TM6SF1: variants seen among roughly 807,000 people sequenced by gnomAD.
TM6SF1 encodes the protein transmembrane 6 superfamily member 1.
Under a neutral mutation model 47.1 loss-of-function variants are expected in TM6SF1, and 43 were observed. The observed-to-expected ratio is 0.91, with a 90% CI of 0.72 to 1.18. The LOEUF (loss-of-function observed/expected upper bound fraction) is 1.18. Among genes scored for constraint, TM6SF1 ranks in the 50% most tolerant of loss-of-function variants. TM6SF1 has a pLI of 0.00. For synonymous variants in TM6SF1, 177 were observed against 166.3 expected, an observed-to-expected ratio of 1.06 and a Z score of -0.49; for missense variants, 390 against 449.0, an observed-to-expected ratio of 0.87 and a Z score of 1.19.
intron 9 of TM6SF1, chr15:83,130,926 A>G (rs1264022170): frequency 6.6e-6 from 1 of 152,058 alleles, no homozygotes; most frequent in African/African-American, 2.4e-5. Flanking sequence ...CCCCATCTCT[A>G]CAAAAAATAC....
At chr15:83,133,578 C>G (rs1049483440) in intron 9 of TM6SF1, 7 of 152,234 alleles carry the variant, frequency 4.6e-5, no homozygotes, top group African/African-American at 1.7e-4. Context: ...CCTCACATTG[C>G]TAAATTCTGG....
chr15:83,118,140 T>TC (rs2034855309), intron 3 of TM6SF1, among the ~76,000 whole-genome samples: 1 of 151,924 alleles, frequency 6.6e-6, no homozygotes, highest in African/African-American at 2.4e-5. Context: ...GGCGGGAGGA[T>TC]CGCTTGACGC....
In TM6SF1 at chr15:83,136,644, A is replaced by G. The variant is rs760764251; in HGVS notation, c.1085A>G (p.Lys362Arg). Reference sequence around the variant, plus strand: ...ATCTACAAACCAGAGTTCTTCATAAAAACAAAGGCAGAAGAAAAAGTGGAA... The same window carrying G: ...ATCTACAAACCAGAGTTCTTCATAAGAACAAAGGCAGAAGAAAAAGTGGAA... ...RCIYKPEFFI[K>R]TKAEEKVE Residue 362 changes from lysine (K) to arginine (R), a missense_variant, in exon 10 of 10, where the codon AAA becomes AGA. Lys to Arg is a conservative substitution (Grantham distance 26, BLOSUM62 2). Transcript: ENST00000322019. The G allele has an allele frequency of 1.9e-6, 3 of 1,595,284 alleles. No individual in the cohort carries two copies. In the East Asian group the frequency reaches 6.7e-5, roughly 36 times the overall value.
At chr15:83,109,663 G>T (rs2033967102) in intron 1 of TM6SF1, among the ~76,000 whole-genome samples, 2 of 152,112 alleles carry the variant, frequency 1.3e-5, no homozygotes, top group African/African-American at 4.8e-5. Flanking sequence ...TTTCTGACCT[G>T]GACTGTGGCA....
In TM6SF1 at chr15:83,126,819, A is replaced by C. The variant is rs781446978; in HGVS notation, c.773A>C (p.Lys258Thr). ...ACGCAATTTCAAGAGCCCTATCTAA[A>C]GGATCCTGCTGCTTATCCTAAAATT... ...LYTQFQEPYLKDPAAYPKIQM... is the reference protein window; with the variant it reads ...LYTQFQEPYLTDPAAYPKIQM... Residue 258 changes from lysine to threonine, a missense_variant, in exon 8 of 10, where the codon AAG becomes ACG. By Grantham distance (78) the Lys-to-Thr change is moderately conservative. Transcript: ENST00000322019. 1 of 1,613,800 alleles carries C rather than the reference A, an allele frequency of 6.2e-7. No individual in the cohort carries two copies.
chr15:83,124,964 A>T lies in TM6SF1; in HGVS notation c.708+188A>T, dbSNP rs192566225. Reference sequence around the variant, plus strand: ...CTCCCAACCCCAGCCTCCTGCTGTCACCTCCTCCTGTCCTTAGATCAAGCT... The same window carrying T: ...CTCCCAACCCCAGCCTCCTGCTGTCTCCTCCTCCTGTCCTTAGATCAAGCT... On this transcript the variant is annotated intron_variant, in intron 7 of 9. Transcript: ENST00000322019. Among the ~76,000 whole-genome samples the T allele has an allele frequency of 9.2e-4, 140 of 152,026 alleles. 1 individual carries two copies. The highest frequency in any genetic ancestry group is 3.1e-4 in the Non-Finnish European group (21 of 67,992).
At chr15:83,134,205 C>G (rs2036457405) in intron 9 of TM6SF1, 1 of 151,906 alleles carries the variant, frequency 6.6e-6, no homozygotes, top group African/African-American at 2.4e-5. Flanking sequence ...GGCTTACAAT[C>G]TAATCTAAGG....
intron 4 of TM6SF1, chr15:83,120,089 G>A (rs2035075604): frequency 5.4e-6 from 1 of 185,090 alleles, no homozygotes; most frequent in African/African-American, 2.3e-5. Context: ...CTAAGGCTTG[G>A]CTACATGGCT....
chr15:83,135,689 GTATA>G (rs2036559783), intron 9 of TM6SF1: 1 of 152,184 alleles, frequency 6.6e-6, no homozygotes, highest in Admixed American at 6.5e-5. Context: ...TTCTGAATAA[GTATA>G]TAAGTAGAGA....
rs529815372 is a variant in TM6SF1, at chr15:83,115,745, G to A, written c.197-100G>A. 6.6e-5 allele frequency: 55 copies of A among 836,654 alleles called. No homozygotes were observed. The South Asian group carries it at 7.4e-4, about 11-fold the overall frequency. The allele number at this position is 836,654 out of a possible 1,614,324, so 51.8% of individuals were successfully genotyped here. ...CGATAATTGTCCACAGCATCTTCTG[G>A]AAAACATGAAAAACATTCCATTATT... On this transcript the variant is annotated intron_variant, in intron 2 of 9. Transcript: ENST00000322019.
chr15:83,119,633 C>G lies in TM6SF1; in HGVS notation c.350C>G (p.Ser117Cys), dbSNP rs201945324. ...YGHMICYWDG[S>C]AHYLMYLVMV... ...CACATGATCTGCTACTGGGATGGCT[C>G]TGCTCATTATCTGATGTACCTGGTG... The change falls in exon 4 of 10, where the codon TCT becomes TGT. Residue 117 changes from serine (S) to cysteine (C), a missense_variant. Coordinates refer to ENST00000322019, the MANE Select transcript of TM6SF1 (RefSeq NM_023003.5). 14 of 1,614,196 alleles carry G rather than the reference C, an allele frequency of 8.7e-6. No homozygotes were observed. The highest frequency in any genetic ancestry group is 2.2e-5 in the East Asian group (1 of 44,888).
At chr15:83,121,718 C>T (rs931990202) in intron 4 of TM6SF1, among the ~76,000 whole-genome samples, 3 of 152,058 alleles carry the variant, frequency 2.0e-5, no homozygotes, top group Non-Finnish European at 2.9e-5. Context: ...TAAAAGGACA[C>T]GAAGAAGGTT....
chr15:83,134,471 C>CCAAG (rs1375319503), intron 9 of TM6SF1: 1 of 152,282 alleles, frequency 6.6e-6, no homozygotes, highest in Non-Finnish European at 1.5e-5. Context: ...GATCCACCCG[C>CCAAG]CTTGGCCTCC....
intron 2 of TM6SF1, chr15:83,113,111 G>A (rs2034343744): frequency 3.4e-6 from 2 of 582,636 alleles, no homozygotes; most frequent in Non-Finnish European, 6.1e-6. Flanking sequence ...GCATCCCGGT[G>A]GAGAGTTACT....
At chr15:83,110,050 C>T (rs1395583739) in intron 1 of TM6SF1, among the ~76,000 whole-genome samples, 1 of 152,202 alleles carries the variant, frequency 6.6e-6, no homozygotes, top group African/African-American at 2.4e-5. Context: ...CAGGCCAGCG[C>T]CGTGTGCATC....
At chr15:83,113,138 C>T in intron 2 of TM6SF1, 1 of 562,348 alleles carries the variant, frequency 1.8e-6, no homozygotes, top group South Asian at 2.0e-5. Flanking sequence ...CCAGGCAGGG[C>T]ACCCTGCCAA....
intron 9 of TM6SF1, chr15:83,128,294 T>C (rs1028564707): frequency 2.0e-5 from 3 of 152,324 alleles, no homozygotes; most frequent in African/African-American, 4.8e-5. Context: ...TTGAAAAATA[T>C]AGTATTTAAG....
Position 83,121,946 on chromosome 15 carries a change from T to C in TM6SF1, c.424T>C (p.Tyr142His), listed in dbSNP as rs1168673165. Reference protein sequence around the residue: ...WEETYRTIGLYWVGSIIMSVV... With the variant: ...WEETYRTIGLHWVGSIIMSVV... The stretch of plus-strand genomic sequence containing the variant: ...GGAAACTTATAGAACCATTGGCCTA[T>C]ATTGGGTTGGATCTATTATTATGAG... Residue 142 changes from tyrosine (Y) to histidine (H), a missense_variant, in exon 5 of 10, where the codon TAT becomes CAT. By Grantham distance (83) the Tyr-to-His change is moderately conservative (BLOSUM62 2). Transcript: ENST00000322019. 2.5e-6 allele frequency: 4 copies of C among 1,610,684 alleles called. No individual in the cohort carries two copies. The highest frequency in any genetic ancestry group is 1.1e-5 in the South Asian group (1 of 89,574).
chr15:83,128,467 T>A (rs1009231814), intron 9 of TM6SF1: 1 of 152,224 alleles, frequency 6.6e-6, no homozygotes, highest in Non-Finnish European at 1.5e-5. Context: ...CTTTGCTGGT[T>A]GTTTTTCCTT....
Sources: gnomAD v4.1 joint callset for allele counts (sites outside exome capture counted in the v4.1 genomes callset) on GRCh38, gnomAD v4.1.1 for gene constraint, MANE v1.5 for transcripts, NCBI Gene and HGNC (gene_info 2026-07-23, HGNC 2026-07-21) for gene names.